The following ARID1B variants were observed in gnomAD, a reference collection of about 807,000 sequenced individuals.
ARID1B encodes the protein AT-rich interaction domain 1B.
ARID1B carries 30 observed loss-of-function variants against 212.3 expected under a neutral mutation model. The ratio of observed to expected loss-of-function variants is 0.14; its 90% CI spans 0.11 to 0.19. The LOEUF (loss-of-function observed/expected upper bound fraction) is 0.19. Among genes scored for constraint, ARID1B ranks in the 10% least tolerant of loss-of-function variants. The pLI is 1.00. For missense variants in ARID1B, 2,891 were observed against 3,204.0 expected (o/e 0.90, Z 2.36); for synonymous variants, 1,402 against 1,301.7 (o/e 1.08, Z -1.66).
chr6:156,947,635 T>TAAAA (rs11352269), intron 4 of ARID1B, among the ~76,000 whole-genome samples: 1 of 141,550 alleles, frequency 7.1e-6, no homozygotes. Flanking sequence ...AGGGCTAATT[T>TAAAA]AAAAAAAAAA....
chr6:157,062,706 A>G (rs9480423), intron 4 of ARID1B, among the ~76,000 whole-genome samples: 17 of 135,966 alleles, frequency 1.3e-4, no homozygotes, highest in African/African-American at 4.8e-4. Context: ...ATATATATAT[A>G]TTTTTTTTTT....
intron 1 of ARID1B, among the ~76,000 whole-genome samples, chr6:156,820,903 G>T (rs62435788): frequency 0.054 from 8,254 of 152,264 alleles, 271 homozygotes; most frequent in Middle Eastern, 0.11. Flanking sequence ...GTTTCTGTAC[G>T]GATCTGCTTC....
At chr6:157,070,440 A>G (rs1019419633) in intron 4 of ARID1B, among the ~76,000 whole-genome samples, 2 of 152,198 alleles carry the variant, frequency 1.3e-5, no homozygotes, top group African/African-American at 2.4e-5. Context: ...AAAATCTTCA[A>G]TAAAAGTTAA....
chr6:156,935,695 GTTTAT>G (rs1181231421), intron 4 of ARID1B, 119 bp downstream of exon 4: 1 of 926,258 alleles, frequency 1.1e-6, no homozygotes, highest in Admixed American at 2.8e-5. Context: ...TAGACTTCAG[GTTTAT>G]TTTGTGGTCA....
chr6:157,015,838 G>A lies in ARID1B; in HGVS notation c.2248-68824G>A, dbSNP rs116908575. ...ATTGTGCCAATCACAGCATTACTCC[G>A]ACCCCACTGCTACATACATCCCCCA... On this transcript the variant is annotated intron_variant, in intron 4 of 19. Transcript: ENST00000636930. Among the ~76,000 whole-genome samples, 494 of 152,240 alleles carry A rather than the reference G, an allele frequency of 3.2e-3. 20 individuals carry two copies. In the East Asian group the frequency reaches 0.082, roughly 25 times the overall value.
intron 9 of ARID1B, among the ~76,000 whole-genome samples, chr6:157,171,937 C>G (rs1791742617): frequency 6.6e-6 from 1 of 152,160 alleles, no homozygotes; most frequent in Non-Finnish European, 1.5e-5. Context: ...AAATAATATT[C>G]ATACATAATT....
At chr6:157,121,127 C>T (rs957473909) in intron 6 of ARID1B, among the ~76,000 whole-genome samples, 2 of 152,184 alleles carry the variant, frequency 1.3e-5, no homozygotes, top group African/African-American at 4.8e-5. Context: ...AAATTCCTCC[C>T]AGTTTTATTT....
chr6:157,013,140 A>C (rs1298494006), intron 4 of ARID1B, among the ~76,000 whole-genome samples: 1 of 152,172 alleles, frequency 6.6e-6, no homozygotes, highest in African/African-American at 2.4e-5. Flanking sequence ...CGGCCTCCCA[A>C]AGTGCTGGGA....
At chr6:157,069,021 GTCA>G (rs1381800869) in intron 4 of ARID1B, among the ~76,000 whole-genome samples, 2 of 152,208 alleles carry the variant, frequency 1.3e-5, no homozygotes, top group East Asian at 3.8e-4. Context: ...CAACCAGGCA[GTCA>G]TAAGGGTTTC....
At chr6:156,965,433 G>A (rs963657557) in intron 4 of ARID1B, among the ~76,000 whole-genome samples, 9 of 152,154 alleles carry the variant, frequency 5.9e-5, no homozygotes, top group Admixed American at 5.9e-4. Context: ...TGGAAAATGG[G>A]TGTCACTTAA....
chr6:157,079,472 A>G (rs1361413205), intron 4 of ARID1B, among the ~76,000 whole-genome samples: 1 of 152,366 alleles, frequency 6.6e-6, no homozygotes, highest in South Asian at 2.1e-4. Flanking sequence ...AGGTGTATTC[A>G]TATCACGTGA....
intron 3 of ARID1B, among the ~76,000 whole-genome samples, chr6:156,907,127 T>G (rs1246296270): frequency 6.6e-6 from 1 of 152,244 alleles, no homozygotes; most frequent in Non-Finnish European, 1.5e-5. Context: ...TATGCATTCT[T>G]TGAAACGGCT....
intron 8 of ARID1B, among the ~76,000 whole-genome samples, chr6:157,153,303 A>G (rs1045402194): frequency 2.6e-5 from 4 of 152,206 alleles, no homozygotes; most frequent in African/African-American, 9.6e-5. Flanking sequence ...TACTAGATTC[A>G]CTGTGCAGTA....
intron 4 of ARID1B, among the ~76,000 whole-genome samples, chr6:156,969,722 A>G (rs191261373): frequency 6.6e-6 from 1 of 152,316 alleles, no homozygotes; most frequent in East Asian, 1.9e-4. Context: ...TACGAGCTTT[A>G]TATGGCCAGG....
chr6:156,856,694 TCTCTCTCACACACACACA>T (rs1294771706), intron 2 of ARID1B, among the ~76,000 whole-genome samples: 21 of 83,392 alleles, frequency 2.5e-4, no homozygotes, highest in African/African-American at 8.9e-4. Flanking sequence ...TCTCTCTCTC[TCTCTCTCACACACACACA>T]CACACACACA....
chr6:156,872,469 G>A (rs1055170022), intron 2 of ARID1B, among the ~76,000 whole-genome samples: 5 of 152,016 alleles, frequency 3.3e-5, no homozygotes, highest in African/African-American at 4.8e-5. Flanking sequence ...TTACAGGCGC[G>A]CACCACCACG....
Position 157,133,221 on chromosome 6 carries a change from T to G in ARID1B, c.2761+14T>G. The G allele has an allele frequency of 3.8e-6, 6 of 1,572,020 alleles. No homozygotes were observed. Among genetic ancestry groups the G allele is most frequent in the Non-Finnish European group, 5.2e-6 (6 of 1,163,234 alleles). Reference sequence around the variant, plus strand: ...ATGGACCACAAGGTAAAACCAAAGCTTCTCCAAAATGCATGGCAGCAAGTT... The same window carrying G: ...ATGGACCACAAGGTAAAACCAAAGCGTCTCCAAAATGCATGGCAGCAAGTT... On this transcript the variant is annotated intron_variant, in intron 7 of 19. Transcript: ENST00000636930.
At chr6:157,146,942 C>A (rs1034795235) in intron 7 of ARID1B, among the ~76,000 whole-genome samples, 4 of 152,116 alleles carry the variant, frequency 2.6e-5, no homozygotes, top group Non-Finnish European at 4.4e-5. Context: ...TTTGCTTGAG[C>A]TTCAGTACTA....
At chr6:156,945,175 T>C (rs373522785) in intron 4 of ARID1B, among the ~76,000 whole-genome samples, 3 of 140,150 alleles carry the variant, frequency 2.1e-5, no homozygotes, top group African/African-American at 7.9e-5. Context: ...GACCTTGTGA[T>C]CCGCCCGCCT....
Sources: allele counts gnomAD v4.1 joint callset (sites outside exome capture counted in the v4.1 genomes callset), GRCh38; gene constraint gnomAD v4.1.1; transcripts MANE v1.5; gene names NCBI Gene and HGNC (gene_info 2026-07-23, HGNC 2026-07-21).